The following CSMD2 variants were observed in gnomAD, a reference collection of about 807,000 sequenced individuals.
The protein encoded by CSMD2 is CUB and sushi domain-containing protein 2.
Under a neutral mutation model 398.5 loss-of-function variants are expected in CSMD2, and 130 were observed. The ratio of observed to expected loss-of-function variants is 0.33; its 90% CI spans 0.28 to 0.38. The LOEUF (loss-of-function observed/expected upper bound fraction) is 0.38. CSMD2 is among the 10% of genes least tolerant of loss of function. The probability of loss-of-function intolerance (pLI) is 1.00; values close to 1 mark genes in which losing one functional copy is unlikely to be tolerated. For missense variants in CSMD2, 3,829 were observed against 4,764.9 expected (o/e 0.80, Z 5.78); for synonymous variants, 1,828 against 1,908.5 (o/e 0.96, Z 1.10).
chr1:33,866,425 C>A (rs2125131844), intron 5 of CSMD2, among the ~76,000 whole-genome samples: 1 of 152,336 alleles, frequency 6.6e-6, no homozygotes, highest in Non-Finnish European at 1.5e-5. Flanking sequence ...GTGCTGCAGT[C>A]TTCATGAAGG....
chr1:33,573,474 C>T (rs548409848), intron 49 of CSMD2, among the ~76,000 whole-genome samples: 168 of 149,588 alleles, frequency 1.1e-3, no homozygotes, highest in African/African-American at 3.9e-3. Context: ...AGGTGACATA[C>T]GGTACTCATA....
At chr1:33,999,384 A>AT (rs980538211) in intron 3 of CSMD2, among the ~76,000 whole-genome samples, 3 of 151,620 alleles carry the variant, frequency 2.0e-5, no homozygotes, top group African/African-American at 4.8e-5. Context: ...CTTTTTAAAA[A>AT]TTTTTTTTTA....
At chr1:33,688,632 C>T (rs557386760) in intron 25 of CSMD2, among the ~76,000 whole-genome samples, 122 of 152,160 alleles carry the variant, frequency 8.0e-4, no homozygotes, top group Non-Finnish European at 1.2e-3. Context: ...CGAGACCAGC[C>T]TGGCTAACAT....
Position 34,052,308 on chromosome 1 carries a change from G to A in CSMD2, c.405-19602C>T, listed in dbSNP as rs187650252. On this transcript the variant is annotated intron_variant, in intron 2 of 70. Transcript: ENST00000373381. ...ATAATAAAAATTTTAAAACAACGCAGTACAATTACTACATAGTGTTTGCAC... is the reference window on the plus strand; with the variant it reads ...ATAATAAAAATTTTAAAACAACGCAATACAATTACTACATAGTGTTTGCAC... 9.7e-4 allele frequency among the ~76,000 whole-genome samples: 148 copies of A among 151,874 alleles called. 3 individuals are homozygous for A. Among genetic ancestry groups the A allele is most frequent in the African/African-American group, 3.5e-3 (145 of 41,416 alleles).
intron 44 of CSMD2, among the ~76,000 whole-genome samples, chr1:33,596,233 C>G (rs1639826066): frequency 6.6e-6 from 1 of 152,086 alleles, no homozygotes; most frequent in Non-Finnish European, 1.5e-5. Flanking sequence ...TGAACCTTCT[C>G]TGTGTGGCTG....
chr1:33,969,749 A>G (rs913224317), intron 3 of CSMD2, among the ~76,000 whole-genome samples: 7 of 152,054 alleles, frequency 4.6e-5, no homozygotes, highest in African/African-American at 1.4e-4. Flanking sequence ...GAATGAATGA[A>G]TGAGTGAGTG....
intron 53 of CSMD2, among the ~76,000 whole-genome samples, chr1:33,561,870 C>T (rs1187539995): frequency 6.6e-6 from 1 of 152,092 alleles, no homozygotes; most frequent in Non-Finnish European, 1.5e-5. Context: ...GCAGCCAGCT[C>T]GGGAGAGGGT....
chr1:33,675,452 T>C (rs1048663036), intron 25 of CSMD2, among the ~76,000 whole-genome samples: 1 of 152,118 alleles, frequency 6.6e-6, no homozygotes, highest in African/African-American at 2.4e-5. Flanking sequence ...GGCTCTGAAA[T>C]TGAGGCAATA....
intron 3 of CSMD2, among the ~76,000 whole-genome samples, chr1:34,003,248 T>C (rs1409522853): frequency 1.3e-5 from 2 of 151,672 alleles, no homozygotes; most frequent in Non-Finnish European, 2.9e-5. Flanking sequence ...GAATTACATC[T>C]CCTCCTTCCC....
At chr1:33,846,649 G>T (rs1244829965) in intron 6 of CSMD2, among the ~76,000 whole-genome samples, 1 of 152,202 alleles carries the variant, frequency 6.6e-6, no homozygotes, top group South Asian at 2.1e-4. Context: ...TGATTAGCCT[G>T]GCATGTGAGG....
At chr1:33,815,503 T>A (rs1657355820) in intron 9 of CSMD2, 1 of 151,728 alleles carries the variant, frequency 6.6e-6, no homozygotes, top group Non-Finnish European at 1.5e-5. Flanking sequence ...AAGTGGGGAG[T>A]GGAGGGGGAG....
At position 33,624,370 on chromosome 1, in the gene CSMD2, C is replaced by T. The variant is rs572224809; in HGVS notation, c.5625+149G>A. On this transcript the variant is annotated intron_variant, in intron 35 of 70. Coordinates refer to ENST00000373381, the MANE Select transcript of CSMD2 (RefSeq NM_001281956.2). The surrounding 1 kb of genome is among the most constrained non-coding windows in gnomAD (Gnocchi z 4.7). The stretch of plus-strand genomic sequence containing the variant: ...CACACTTGGACTGAGCCTCCTTAGC[C>T]GCAGGGGCAGGTACAGGGCTGATAT... 2.3e-5 allele frequency: 22 copies of T among 958,508 alleles called. No individual in the cohort carries two copies. The South Asian group carries it at 2.6e-4, about 11-fold the overall frequency. 59.4% of individuals were successfully genotyped at this position (958,508 alleles called of 1,614,324 possible).
chr1:33,596,130 G>A (rs1391780784), intron 44 of CSMD2, among the ~76,000 whole-genome samples: 3 of 152,244 alleles, frequency 2.0e-5, no homozygotes, highest in African/African-American at 2.4e-5. Context: ...ACGTATTAAC[G>A]TATTCGATCA....
At chr1:34,022,137 G>A (rs149404523) in intron 3 of CSMD2, among the ~76,000 whole-genome samples, 21 of 152,224 alleles carry the variant, frequency 1.4e-4, no homozygotes, top group African/African-American at 4.6e-4. Flanking sequence ...TTGTTTAATC[G>A]GTATTTATTG....
At position 33,624,476 on chromosome 1, in the gene CSMD2, G is replaced by A; in HGVS notation, c.5625+43C>T. 6.2e-7 allele frequency: 1 copy of A among 1,606,024 alleles called. No homozygotes were observed. The highest frequency in any genetic ancestry group is 2.2e-5 in the East Asian group (1 of 44,750). ...GTCACCTGTGAGCTGTTACCTGGGA[G>A]CAGACGGCCACCTGCCCGACCGAGG... On this transcript the variant is annotated intron_variant, in intron 35 of 70. Transcript: ENST00000373381. This position sits in a 1 kb window ranked among gnomAD's most constrained non-coding sequence, Gnocchi z 4.7.
At chr1:34,034,361 C>T (rs1415884276) in intron 2 of CSMD2, among the ~76,000 whole-genome samples, 2 of 152,194 alleles carry the variant, frequency 1.3e-5, no homozygotes, top group African/African-American at 2.4e-5. Flanking sequence ...CCATACCACC[C>T]AAGCAGAGTC....
chr1:34,042,361 A>G (rs772571054), intron 2 of CSMD2, among the ~76,000 whole-genome samples: 12 of 152,220 alleles, frequency 7.9e-5, no homozygotes, highest in Non-Finnish European at 1.8e-4. Flanking sequence ...TCAAATTGGC[A>G]TGTCATTTTT....
In CSMD2 at chr1:34,164,262, C is replaced by A. The variant is rs924814088; in HGVS notation, c.187+649G>T. Among the ~76,000 whole-genome samples, 5 of 152,104 alleles carry A rather than the reference C, an allele frequency of 3.3e-5. No homozygotes were observed. The highest frequency in any genetic ancestry group is 1.2e-4 in the African/African-American group (5 of 41,438). On this transcript the variant is annotated intron_variant, in intron 1 of 70. Coordinates refer to ENST00000373381, the MANE Select transcript of CSMD2 (RefSeq NM_001281956.2). This position sits in a 1 kb window ranked among gnomAD's most constrained non-coding sequence, Gnocchi z 6.2. ...CCCTCCAGCCCCCACCTGCACCCTC[C>A]TGCAAGGAATGCGCGGGACCCCCAC... is the stretch of plus-strand genomic sequence containing the variant.
Position 33,537,024 on chromosome 1 carries a change from G to C in CSMD2, c.9877C>G (p.Gln3293Glu). ...FGIQNNSQGY[Q>E]VGSTVLFRCQ... is the part of the protein sequence containing the mutation. ...CCTATCTTGGCTGACCTCCTTACCT[G>C]GTAGCCCTGAGAATTGTTCTGTATC... The change falls in exon 62 of 71, where the codon CAG becomes GAG. Residue 3293 changes from glutamine to glutamate, a missense_variant and splice_region_variant. Gln to Glu is a conservative substitution (Grantham distance 29). Transcript: ENST00000373381. The surrounding 1 kb of genome is among the most constrained non-coding windows in gnomAD (Gnocchi z 4.6). 6.2e-7 allele frequency: 1 copy of C among 1,614,124 alleles called. No homozygotes were observed. The highest frequency in any genetic ancestry group is 1.1e-5 in the South Asian group (1 of 91,080).
Sources: allele counts gnomAD v4.1 joint callset (sites outside exome capture counted in the v4.1 genomes callset), GRCh38; gene constraint gnomAD v4.1.1; non-coding constraint Gnocchi (gnomAD v3.1); transcripts MANE v1.5; gene names NCBI Gene and HGNC (gene_info 2026-07-23, HGNC 2026-07-21).